Variants in SEC14L5 observed in about 807,000 individuals in gnomAD.
SEC14L5 encodes SEC14-like protein 5.
In SEC14L5, 96 loss-of-function variants were observed where a neutral mutation model predicts 84.6. That is an observed-to-expected ratio of 1.13 (90% CI 0.96 to 1.34). The LOEUF is 1.34. SEC14L5 is among the 40% of genes most tolerant of loss of function. The pLI is 0.00. For synonymous variants in SEC14L5, 546 were observed against 383.4 expected, an observed-to-expected ratio of 1.42 and a Z score of -4.95; for missense variants, 1,224 against 942.5, an observed-to-expected ratio of 1.30 and a Z score of -3.91.
At chr16:4,994,933 G>C (rs1213114026) in intron 6 of SEC14L5, among the ~76,000 whole-genome samples, 1 of 152,116 alleles carries the variant, frequency 6.6e-6, no homozygotes, top group Non-Finnish European at 1.5e-5. Context: ...GGGCCGGAAG[G>C]ATGCTGGGAG....
chr16:4,963,170 A>T (rs1955150479), intron 2 of SEC14L5, among the ~76,000 whole-genome samples: 1 of 152,218 alleles, frequency 6.6e-6, no homozygotes, highest in Non-Finnish European at 1.5e-5. Context: ...TGAGTAATTG[A>T]TTACAAAATT....
At chr16:4,994,439 G>A (rs182202472) in intron 6 of SEC14L5, among the ~76,000 whole-genome samples, 4 of 152,220 alleles carry the variant, frequency 2.6e-5, no homozygotes, top group East Asian at 3.9e-4. Context: ...CGCCTCCTGG[G>A]TTCAAACGAT....
chr16:4,977,597 T>C (rs1418172712), intron 2 of SEC14L5, among the ~76,000 whole-genome samples: 2 of 151,932 alleles, frequency 1.3e-5, no homozygotes, highest in Non-Finnish European at 2.9e-5. Flanking sequence ...CTCATGTATA[T>C]GTAAATCACG....
intron 2 of SEC14L5, among the ~76,000 whole-genome samples, chr16:4,977,245 G>A (rs915504607): frequency 2.0e-5 from 3 of 151,948 alleles, no homozygotes; most frequent in Non-Finnish European, 4.4e-5. Context: ...TCAGGAGTTC[G>A]AGACCAGCCT....
intron 10 of SEC14L5, among the ~76,000 whole-genome samples, chr16:5,002,019 C>G (rs955000723): frequency 2.6e-5 from 4 of 152,238 alleles, no homozygotes; most frequent in African/African-American, 9.6e-5. Context: ...ATCCTCCCAC[C>G]TTGGCCTTCC....
intron 2 of SEC14L5, chr16:4,960,822 A>G (rs963623515): frequency 6.6e-6 from 1 of 152,232 alleles, no homozygotes; most frequent in Non-Finnish European, 1.5e-5. Flanking sequence ...AGATCCAGCT[A>G]TGATCGTTAC....
At chr16:4,984,737 T>A (rs1238571351) in intron 2 of SEC14L5, among the ~76,000 whole-genome samples, 1 of 152,228 alleles carries the variant, frequency 6.6e-6, no homozygotes, top group Non-Finnish European at 1.5e-5. Flanking sequence ...GTCATCCTAG[T>A]GGATGTGAAG....
At chr16:4,981,408 G>A (rs1955422598) in intron 2 of SEC14L5, among the ~76,000 whole-genome samples, 3 of 151,848 alleles carry the variant, frequency 2.0e-5, no homozygotes, top group African/African-American at 7.3e-5. Flanking sequence ...CACCGCGCCT[G>A]GTCTCGTCAA....
chr16:5,016,795 A>T lies in SEC14L5; in HGVS notation c.*1825A>T, dbSNP rs1184376204. ...GAGAAAGTGTCATCTTTTCAGATAC[A>T]TCCTTCTTCCTGCTGGGAGAGAGCC... On this transcript the variant is annotated 3_prime_UTR_variant, in exon 16 of 16. Transcript: ENST00000251170. 6.6e-6 allele frequency: 1 copy of T among 152,212 alleles called. No individual in the cohort carries two copies. Among genetic ancestry groups the T allele is most frequent in the African/African-American group, 2.4e-5 (1 of 41,458 alleles). 9.4% of individuals were successfully genotyped at this position (152,212 alleles called of 1,614,324 possible).
chr16:4,985,603 A>G (rs1011093864), intron 2 of SEC14L5, among the ~76,000 whole-genome samples: 3 of 152,148 alleles, frequency 2.0e-5, no homozygotes, highest in Non-Finnish European at 2.9e-5. Context: ...TTTTCTCATC[A>G]GATTGTCTTG....
chr16:4,962,045 T>C (rs1160303007), intron 2 of SEC14L5, among the ~76,000 whole-genome samples: 1 of 151,232 alleles, frequency 6.6e-6, no homozygotes, highest in Non-Finnish European at 1.5e-5. Flanking sequence ...CATATAGGCA[T>C]ACAGTCATCC....
chr16:5,014,207 A>G (rs1955842538), intron 15 of SEC14L5, among the ~76,000 whole-genome samples: 1 of 152,226 alleles, frequency 6.6e-6, no homozygotes, highest in African/African-American at 2.4e-5. Context: ...CCATGTGGCC[A>G]GTGGCTGGTG....
intron 11 of SEC14L5, among the ~76,000 whole-genome samples, chr16:5,005,424 G>T (rs1025420065): frequency 2.0e-5 from 3 of 151,910 alleles, no homozygotes; most frequent in Non-Finnish European, 2.9e-5. Flanking sequence ...TGACGGTGGG[G>T]TGGGAATGGG....
At chr16:4,966,669 A>G (rs1955204495) in intron 2 of SEC14L5, among the ~76,000 whole-genome samples, 1 of 152,108 alleles carries the variant, frequency 6.6e-6, no homozygotes, top group African/African-American at 2.4e-5. Context: ...GGAGGAGACT[A>G]AGGAGAGGCT....
intron 2 of SEC14L5, among the ~76,000 whole-genome samples, chr16:4,976,012 G>T (rs984373072): frequency 6.6e-6 from 1 of 152,210 alleles, no homozygotes; most frequent in Admixed American, 6.5e-5. Context: ...GAACAGGAAG[G>T]AAGGAAGGAG....
chr16:4,965,559 G>A (rs1955189263), intron 2 of SEC14L5, among the ~76,000 whole-genome samples: 1 of 148,402 alleles, frequency 6.7e-6, no homozygotes, highest in African/African-American at 2.5e-5. Context: ...TACTCGGGAG[G>A]CTGAGGCAGG....
At chr16:4,975,686 C>G (rs891794853) in intron 2 of SEC14L5, among the ~76,000 whole-genome samples, 2 of 151,678 alleles carry the variant, frequency 1.3e-5, no homozygotes, top group African/African-American at 4.8e-5. Context: ...GGGTAGATAC[C>G]CATATTTCAA....
intron 15 of SEC14L5, among the ~76,000 whole-genome samples, chr16:5,014,514 C>G (rs1386376848): frequency 1.3e-5 from 2 of 152,234 alleles, no homozygotes; most frequent in African/African-American, 2.4e-5. Context: ...ACTGCAAGAG[C>G]TAGGAGGAGG....
intron 10 of SEC14L5, among the ~76,000 whole-genome samples, chr16:5,002,298 A>ATG (rs1555530830): frequency 6.0e-5 from 8 of 133,722 alleles, no homozygotes; most frequent in African/African-American, 1.7e-4. Flanking sequence ...CTGTTTGCAG[A>ATG]TTTTTTTTTT....
Sources: allele counts gnomAD v4.1 joint callset (sites outside exome capture counted in the v4.1 genomes callset), GRCh38; gene constraint gnomAD v4.1.1; transcripts MANE v1.5; gene names NCBI Gene and HGNC (gene_info 2026-07-23, HGNC 2026-07-21).